The following PALS2 variants were observed in gnomAD, a reference collection of about 807,000 sequenced individuals.
The protein encoded by PALS2 is protein PALS2.
In PALS2, 27 loss-of-function variants were observed where a neutral mutation model predicts 61.6. The observed-to-expected ratio is 0.44, with a 90% CI of 0.32 to 0.60. PALS2 has a LOEUF of 0.60. Ranked by LOEUF, PALS2 falls within the 20% of genes least tolerant of loss-of-function variation. PALS2 has a pLI of 0.05. For synonymous variants in PALS2, 236 were observed against 218.6 expected, an observed-to-expected ratio of 1.08 and a Z score of -0.70; for missense variants, 554 against 639.4, an observed-to-expected ratio of 0.87 and a Z score of 1.44.
At chr7:24,628,255 A>G (rs941631982) in intron 2 of PALS2, among the ~76,000 whole-genome samples, 3 of 152,238 alleles carry the variant, frequency 2.0e-5, no homozygotes, top group Admixed American at 2.0e-4. Context: ...AGCAGAACCA[A>G]TGATGAAAAT....
In PALS2 at chr7:24,573,541, A is replaced by T; in HGVS notation, c.-55A>T. On this transcript the variant is annotated 5_prime_UTR_variant, in exon 1 of 12. Transcript: ENST00000222644. This position sits in a 1 kb window ranked among gnomAD's most constrained non-coding sequence, Gnocchi z 5.3. ...CTGAGGGAGAGCAGCGGCGGCGGGG[A>T]GCGACCGGGAGCGGCGGCAGCGGCG... The T allele has an allele frequency of 2.6e-6, 1 of 381,676 alleles. No homozygotes were observed. The allele number at this position is 381,676 out of a possible 1,614,324, so 23.6% of individuals were successfully genotyped here. A position where few individuals can be genotyped will look rare whatever the true frequency, so the allele number is the denominator to read the frequency against.
At chr7:24,630,612 A>T (rs1193238510) in intron 2 of PALS2, among the ~76,000 whole-genome samples, 2 of 152,186 alleles carry the variant, frequency 1.3e-5, no homozygotes, top group African/African-American at 2.4e-5. Flanking sequence ...GTTTTGGAAG[A>T]ACATCTAGAG....
At chr7:24,595,527 TATATA>T (rs1358589904) in intron 1 of PALS2, among the ~76,000 whole-genome samples, 2 of 131,168 alleles carry the variant, frequency 1.5e-5, no homozygotes, top group African/African-American at 2.8e-5. Flanking sequence ...ATATATATAA[TATATA>T]ATATATAATA....
intron 8 of PALS2, among the ~76,000 whole-genome samples, chr7:24,667,959 C>T (rs552368530): frequency 6.6e-6 from 1 of 152,114 alleles, no homozygotes; most frequent in African/African-American, 2.4e-5. Context: ...AGCCACCATG[C>T]CCAGCCCGAT....
chr7:24,640,300 TAAG>T (rs1315062277), intron 2 of PALS2, among the ~76,000 whole-genome samples: 1 of 152,126 alleles, frequency 6.6e-6, no homozygotes, highest in Non-Finnish European at 1.5e-5. Flanking sequence ...CTTTTCCACT[TAAG>T]AACTTATTTT....
chr7:24,641,945 A>G, intron 3 of PALS2, 77 bp downstream of exon 3: 1 of 1,468,812 alleles, frequency 6.8e-7, no homozygotes. Context: ...GTTTAAGGTG[A>G]TGTTTTCTTC....
chr7:24,663,402 ATCTT>A (rs1786842091), intron 5 of PALS2, 184 bp from the exon 6 acceptor site: 1 of 456,672 alleles, frequency 2.2e-6, no homozygotes, highest in African/African-American at 2.1e-5. Context: ...AAGTTTTATT[ATCTT>A]TCTGATACCA....
intron 1 of PALS2, among the ~76,000 whole-genome samples, chr7:24,579,639 T>C (rs1170822212): frequency 6.6e-6 from 1 of 152,166 alleles, no homozygotes; most frequent in Non-Finnish European, 1.5e-5. Context: ...TTTGTATCCT[T>C]CACACAGCCC....
chr7:24,678,888 C>G (rs1286462344), intron 9 of PALS2, among the ~76,000 whole-genome samples: 1 of 152,156 alleles, frequency 6.6e-6, no homozygotes, highest in East Asian at 1.9e-4. Flanking sequence ...GCAGTCCATA[C>G]AGTCTGTCAC....
chr7:24,609,209 A>G (rs1784028626), intron 1 of PALS2, among the ~76,000 whole-genome samples: 1 of 152,026 alleles, frequency 6.6e-6, no homozygotes, highest in Non-Finnish European at 1.5e-5. Context: ...ATGATTCAGG[A>G]TTATATCTGA....
chr7:24,630,174 G>A (rs1325926772), intron 2 of PALS2, among the ~76,000 whole-genome samples: 1 of 152,160 alleles, frequency 6.6e-6, no homozygotes, highest in Non-Finnish European at 1.5e-5. Flanking sequence ...CACGTCCTTT[G>A]CAGGGACATT....
intron 9 of PALS2, among the ~76,000 whole-genome samples, chr7:24,669,209 AC>A (rs1787179494): frequency 6.6e-6 from 1 of 152,198 alleles, no homozygotes; most frequent in Non-Finnish European, 1.5e-5. Flanking sequence ...ATAAAATAGT[AC>A]TGATGAGAAG....
At chr7:24,620,011 T>G (rs1353436183) in intron 1 of PALS2, 1 of 152,160 alleles carries the variant, frequency 6.6e-6, no homozygotes, top group African/African-American at 2.4e-5. Context: ...TTTATCGATA[T>G]CTGAATAATT....
rs113836352 is a variant in PALS2, at chr7:24,620,581, A to G, written c.-2-3085A>G. On this transcript the variant is annotated intron_variant, in intron 1 of 11. Coordinates refer to ENST00000222644, the MANE Select transcript of PALS2 (RefSeq NM_001303037.2). Reference sequence around the variant, plus strand: ...CACTTTTCTACTGACTTAAACACCAATTTGAAAAAAAAACAAGCACTTCAA... The same window carrying G: ...CACTTTTCTACTGACTTAAACACCAGTTTGAAAAAAAAACAAGCACTTCAA... 4.8e-3 allele frequency among the ~76,000 whole-genome samples: 735 copies of G among 151,682 alleles called. 3 individuals carry two copies. The highest frequency in any genetic ancestry group is 8.3e-3 in the Admixed American group (127 of 15,224).
intron 1 of PALS2, among the ~76,000 whole-genome samples, chr7:24,593,819 A>C (rs1783394542): frequency 1.3e-5 from 2 of 152,224 alleles, no homozygotes; most frequent in South Asian, 4.1e-4. Context: ...TAGATTTAGC[A>C]TAATTTTTAT....
chr7:24,582,172 G>A (rs1385152194), intron 1 of PALS2, among the ~76,000 whole-genome samples: 2 of 152,086 alleles, frequency 1.3e-5, no homozygotes, highest in African/African-American at 4.8e-5. Context: ...TTGTTTTGTT[G>A]TTTTGTCACT....
At chr7:24,677,456 CA>C (rs1417967973) in intron 9 of PALS2, among the ~76,000 whole-genome samples, 1 of 151,824 alleles carries the variant, frequency 6.6e-6, no homozygotes, top group Non-Finnish European at 1.5e-5. Flanking sequence ...TGCCAGTTTT[CA>C]AAGGGAATGC....
intron 6 of PALS2, among the ~76,000 whole-genome samples, chr7:24,663,970 T>G (rs1012583977): frequency 5.9e-5 from 9 of 152,136 alleles, no homozygotes; most frequent in Non-Finnish European, 2.9e-5. Context: ...GACCAATTGG[T>G]TTTTTTCACA....
chr7:24,613,751 A>G (rs1351692742), intron 1 of PALS2, among the ~76,000 whole-genome samples: 3 of 151,410 alleles, frequency 2.0e-5, no homozygotes, highest in South Asian at 2.1e-4. Flanking sequence ...CTTTCCCCCT[A>G]TTCTTCCCTG....
Sources: gnomAD v4.1 joint callset for allele counts (sites outside exome capture counted in the v4.1 genomes callset) on GRCh38, gnomAD v4.1.1 for gene constraint, Gnocchi (gnomAD v3.1) non-coding constraint, MANE v1.5 for transcripts, NCBI Gene and HGNC (gene_info 2026-07-23, HGNC 2026-07-21) for gene names.